The following UCHL3 variants were observed in gnomAD, a reference collection of about 807,000 sequenced individuals.
UCHL3 encodes the protein ubiquitin C-terminal hydrolase L3.
UCHL3 carries 22 observed loss-of-function variants against 35.8 expected under a neutral mutation model. The observed-to-expected ratio is 0.61, with a 90% confidence interval of 0.44 to 0.88. UCHL3 has a LOEUF of 0.88. UCHL3 is among the 40% of genes least tolerant of loss of function. UCHL3 has a pLI of 0.00. For synonymous variants in UCHL3, 90 were observed against 92.8 expected, an observed-to-expected ratio of 0.97 and a Z score of 0.17; for missense variants, 229 against 276.9, an observed-to-expected ratio of 0.83 and a Z score of 1.23.
chr13:75,598,445 T>C (rs918156030), intron 7 of UCHL3, among the ~76,000 whole-genome samples: 8 of 152,256 alleles, frequency 5.3e-5, no homozygotes, highest in African/African-American at 1.9e-4. Context: ...TAATGTCCTC[T>C]ATTCAGGAGC....
At chr13:75,564,167 T>G (rs80122107) in intron 3 of UCHL3, among the ~76,000 whole-genome samples, 2 of 152,082 alleles carry the variant, frequency 1.3e-5, no homozygotes, top group Non-Finnish European at 2.9e-5. Flanking sequence ...TTTTTTTTTT[T>G]TGAGATGGAG....
At chr13:75,567,486 A>T (rs759494455) in intron 5 of UCHL3, among the ~76,000 whole-genome samples, 174 bp downstream of exon 5, 10 of 152,312 alleles carry the variant, frequency 6.6e-5, no homozygotes, top group South Asian at 4.1e-4. Flanking sequence ...ACAAATGCTG[A>T]TAAGTTGCCA....
At chr13:75,601,157 T>A (rs2032774022) in intron 7 of UCHL3, among the ~76,000 whole-genome samples, 2 of 152,210 alleles carry the variant, frequency 1.3e-5, no homozygotes, top group East Asian at 3.8e-4. Context: ...GCAAATAAAC[T>A]GATTTCTTGA....
At chr13:75,564,767 C>G (rs1051342038) in intron 3 of UCHL3, among the ~76,000 whole-genome samples, 1 of 152,154 alleles carries the variant, frequency 6.6e-6, no homozygotes, top group Non-Finnish European at 1.5e-5. Flanking sequence ...GCCATCTCAG[C>G]TCACTGCAAC....
intron 6 of UCHL3, among the ~76,000 whole-genome samples, chr13:75,588,169 AT>A (rs2032379260): frequency 6.6e-6 from 1 of 151,868 alleles, no homozygotes; most frequent in South Asian, 2.1e-4. Context: ...CCTTATTTCT[AT>A]TTCTGTTCTT....
At chr13:75,574,385 AGAATGTAG>A in intron 6 of UCHL3, among the ~76,000 whole-genome samples, 1 of 152,176 alleles carries the variant, frequency 6.6e-6, no homozygotes, top group African/African-American at 2.4e-5. Context: ...TCTGCTAACT[AGAATGTAG>A]GTCCCATGAG....
At chr13:75,581,623 A>T (rs1194689951) in intron 6 of UCHL3, among the ~76,000 whole-genome samples, 2 of 146,074 alleles carry the variant, frequency 1.4e-5, no homozygotes, top group Non-Finnish European at 3.0e-5. Context: ...CTCCCAAAGT[A>T]TTGGGATTAC....
upstream of UCHL3, chr13:75,549,706 C>A: frequency 1.6e-6 from 2 of 1,250,834 alleles, no homozygotes; most frequent in Non-Finnish European, 2.1e-6. Flanking sequence ...GGTGTTTAGG[C>A]GCTCCTCCTC....
chr13:75,584,612 A>C (rs940116214), intron 6 of UCHL3, among the ~76,000 whole-genome samples: 1 of 152,174 alleles, frequency 6.6e-6, no homozygotes, highest in African/African-American at 2.4e-5. Flanking sequence ...TCTGGCTTTT[A>C]ACCAAAAGCA....
chr13:75,590,399 T>C (rs1488726234), intron 6 of UCHL3, among the ~76,000 whole-genome samples: 1 of 152,182 alleles, frequency 6.6e-6, no homozygotes, highest in African/African-American at 2.4e-5. Context: ...TTCATGATAA[T>C]GTTTAAGTCT....
chr13:75,589,883 A>C, intron 6 of UCHL3: 2 of 1,226,616 alleles, frequency 1.6e-6, no homozygotes, highest in South Asian at 2.8e-5. Flanking sequence ...TTTAAGAATA[A>C]ATGATCACCC....
rs1188075607 is a variant in UCHL3, at chr13:75,549,862, G to A, written c.42G>A (p.Glu14=). 1.9e-6 allele frequency: 3 copies of A among 1,609,278 alleles called. No homozygotes were observed. Among genetic ancestry groups the A allele is most frequent in the Non-Finnish European group, 2.5e-6 (3 of 1,177,562 alleles). ...GGCTGCCGCTGGAGGCCAATCCCGA[G>A]GTGGGCGCGCTTCGGGGCAGCCCTG... is the stretch of plus-strand genomic sequence containing the variant. ...QRWLPLEANP[E]VTNQFLKQLG... Residue 14 remains glutamate, a splice_region_variant and synonymous_variant, in exon 1 of 9, where the codon GAG becomes GAA. Coordinates refer to ENST00000377595, the MANE Select transcript of UCHL3 (RefSeq NM_006002.5).
At chr13:75,549,767 G>C, upstream of UCHL3, 1 of 1,050,232 alleles carries the variant, frequency 9.5e-7, no homozygotes, top group Non-Finnish European at 1.2e-6. Context: ...GGCGGAAGCG[G>C]CGGCGGCGGC....
intron 6 of UCHL3, 93 bp from the exon 7 acceptor site, chr13:75,594,822 A>G (rs1360645528): frequency 3.3e-6 from 3 of 901,130 alleles, no homozygotes; most frequent in Non-Finnish European, 5.1e-6. Context: ...GTTCTCTTAT[A>G]TAATTTGATG....
chr13:75,556,995 T>C (rs1265973067), intron 2 of UCHL3, among the ~76,000 whole-genome samples: 8 of 152,048 alleles, frequency 5.3e-5, no homozygotes, highest in Admixed American at 4.6e-4. Flanking sequence ...GGCCAGAGGA[T>C]TGCTTGAGTG....
At chr13:75,570,457 C>T (rs957090772) in intron 6 of UCHL3, among the ~76,000 whole-genome samples, 1 of 152,072 alleles carries the variant, frequency 6.6e-6, no homozygotes, top group Non-Finnish European at 1.5e-5. Context: ...AGGATGGTCT[C>T]GATCTCCTGA....
intron 7 of UCHL3, among the ~76,000 whole-genome samples, chr13:75,599,077 C>T (rs1320429887): frequency 2.0e-5 from 3 of 152,056 alleles, no homozygotes; most frequent in East Asian, 3.9e-4. Flanking sequence ...CCAGCAATCC[C>T]CTTGTCACAG....
At chr13:75,570,806 G>A (rs1403516045) in intron 6 of UCHL3, among the ~76,000 whole-genome samples, 1 of 152,106 alleles carries the variant, frequency 6.6e-6, no homozygotes, top group Non-Finnish European at 1.5e-5. Context: ...TAGCTACTAG[G>A]GAGGCTGAGG....
intron 6 of UCHL3, among the ~76,000 whole-genome samples, chr13:75,585,792 T>A (rs577387293): frequency 6.6e-6 from 1 of 152,098 alleles, no homozygotes; most frequent in East Asian, 1.9e-4. Flanking sequence ...ATACTACATA[T>A]GTAGTGGTGT....
Sources: allele counts gnomAD v4.1 joint callset (sites outside exome capture counted in the v4.1 genomes callset), GRCh38; gene constraint gnomAD v4.1.1; transcripts MANE v1.5; gene names NCBI Gene and HGNC (gene_info 2026-07-23, HGNC 2026-07-21).